The following SDHA variants were observed in gnomAD, a reference collection of about 807,000 sequenced individuals.
The protein encoded by SDHA is succinate dehydrogenase complex flavoprotein subunit A, also known as succinate dehydrogenase [ubiquinone] flavoprotein subunit, mitochondrial.
Under a neutral mutation model 78.4 loss-of-function variants are expected in SDHA, and 48 were observed. The ratio of observed to expected loss-of-function variants is 0.61; its 90% CI spans 0.49 to 0.78. The LOEUF is 0.78. Ranked by LOEUF, SDHA falls within the 30% of genes least tolerant of loss-of-function variation. SDHA has a pLI of 0.00. For missense variants in SDHA, 680 were observed against 892.7 expected, an observed-to-expected ratio of 0.76 and a Z score of 3.04; for synonymous variants, 326 against 353.9, an observed-to-expected ratio of 0.92 and a Z score of 0.88.
Position 235,139 on chromosome 5 carries a change from A to G in SDHA, c.1065-5A>G, listed in dbSNP as rs1579406152. ...GCCGTATGTGATGGTGTTCTGTCTT[A>G]CCAGAGGCTGTGGCCCTGAGAAAGA... is the stretch of plus-strand genomic sequence containing the variant. On this transcript the variant is annotated splice_polypyrimidine_tract_variant and splice_region_variant and intron_variant, in intron 8 of 14. Coordinates refer to ENST00000264932, the MANE Select transcript of SDHA (RefSeq NM_004168.4). The G allele has an allele frequency of 6.2e-7, 1 of 1,613,822 alleles. No homozygotes were observed. The highest frequency in any genetic ancestry group is 8.5e-7 in the Non-Finnish European group (1 of 1,179,742).
the SDHA span, among the ~76,000 whole-genome samples, chr5:262,412 C>A: frequency 1.3e-5 from 2 of 152,082 alleles, no homozygotes; most frequent in Non-Finnish European, 2.9e-5. Flanking sequence ...GATCCGCCCC[C>A]TGTCATATCA....
At position 223,519 on chromosome 5, in the gene SDHA, A is replaced by G. The variant is rs757478250; in HGVS notation, c.101A>G (p.His34Arg). Reference protein sequence around the residue: ...TVLQTGTRGFHFTVDGNKRAS... With the variant: ...TVLQTGTRGFRFTVDGNKRAS... ...TTGCAAACAGGAACCCGAGGTTTTC[A>G]CTTCACTGTTGATGGGAACAAGAGG... The change falls in exon 2 of 15, where the codon CAC (histidine) becomes CGC (arginine). Residue 34 changes from histidine to arginine, a missense_variant. His to Arg is a conservative substitution (Grantham distance 29). Coordinates refer to ENST00000264932, the MANE Select transcript of SDHA (RefSeq NM_004168.4). The G allele has an allele frequency of 2.5e-6, 4 of 1,613,714 alleles. No individual in the cohort carries two copies. The highest frequency in any genetic ancestry group is 2.2e-5 in the South Asian group (2 of 91,066).
chr5:263,828 G>A, the SDHA span, among the ~76,000 whole-genome samples: 1 of 150,288 alleles, frequency 6.7e-6, no homozygotes, highest in African/African-American at 2.5e-5. Context: ...TGTGGCATTT[G>A]CCCTTTGACT....
At chr5:250,957 G>T in intron 11 of SDHA, 35 bp from the exon 12 acceptor site, 1 of 1,560,076 alleles carries the variant, frequency 6.4e-7, no homozygotes, top group South Asian at 1.1e-5. Flanking sequence ...TGCTTCTATG[G>T]ATTAAAAGTT....
Position 218,362 on chromosome 5 carries a change from G to C in SDHA, c.7G>C (p.Gly3Arg), listed in dbSNP as rs756415935. The C allele has an allele frequency of 6.8e-7, 1 of 1,461,852 alleles. No individual in the cohort carries two copies. The allele number at this position is 1,461,852 out of a possible 1,614,324, so 90.6% of individuals were successfully genotyped here. Residue 3 changes from glycine to arginine, a missense_variant, in exon 1 of 15, where the codon GGG becomes CGG. Gly to Arg is a moderately radical substitution (Grantham distance 125). Transcript: ENST00000264932. MS[G>R]VRGLSRLLSA... Reference sequence around the variant, plus strand: ...CGCGGCGGCAACAGCAGACATGTCGGGGGTCCGGGGCCTGTCGCGGCTGCT... The same window carrying C: ...CGCGGCGGCAACAGCAGACATGTCGCGGGTCCGGGGCCTGTCGCGGCTGCT...
rs1561010740 is a variant in SDHA, at chr5:251,358, C to A, written c.1684C>A (p.Leu562Met). 6.2e-7 allele frequency: 1 copy of A among 1,613,600 alleles called. No individual in the cohort carries two copies. ...CCCAGGAATGGTCTGGAACACGGAC[C>A]TGGTGGAGACCCTGGAGCTGCAGAA... ...FDRGMVWNTD[L>M]VETLELQNLM... is the part of the protein sequence containing the mutation. Residue 562 changes from leucine (L) to methionine (M), a missense_variant, in exon 13 of 15, where the codon CTG (leucine) becomes ATG (methionine). Transcript: ENST00000264932.
At chr5:241,866 A>G (rs1736162928) in intron 11 of SDHA, among the ~76,000 whole-genome samples, 1 of 152,262 alleles carries the variant, frequency 6.6e-6, no homozygotes, top group South Asian at 2.1e-4. Context: ...ACTAAGGCAC[A>G]GAAGGCTGAG....
chr5:239,677 C>CG (rs1161846822), intron 10 of SDHA, among the ~76,000 whole-genome samples: 3 of 152,116 alleles, frequency 2.0e-5, no homozygotes, highest in Non-Finnish European at 2.9e-5. Flanking sequence ...GAAGGGTGGC[C>CG]GGCCCCTTGG....
intron 10 of SDHA, among the ~76,000 whole-genome samples, chr5:240,057 C>T (rs1736043922): frequency 1.3e-5 from 2 of 152,190 alleles, no homozygotes; most frequent in Non-Finnish European, 2.9e-5. Flanking sequence ...GCGTGAGCCA[C>T]CGCACCCGGC....
Position 251,415 on chromosome 5 carries a change from G to A in SDHA, c.1741G>A (p.Gly581Arg), listed in dbSNP as rs771111180. ...LMLCALQTIY[G>R]AEARKESRGA... ...GCTGTGTGCGCTGCAGACCATCTAC[G>A]GAGCAGAGGCACGGAAGGAGTCACG... The change falls in exon 13 of 15, where the codon GGA becomes AGA. Residue 581 changes from glycine (G) to arginine (R), a missense_variant. Transcript: ENST00000264932. 15 of 1,613,794 alleles carry A rather than the reference G, an allele frequency of 9.3e-6. No homozygotes were observed. The highest frequency in any genetic ancestry group is 1.3e-5 in the African/African-American group (1 of 74,892).
chr5:247,642 T>A (rs1736542321), intron 11 of SDHA, among the ~76,000 whole-genome samples: 1 of 152,244 alleles, frequency 6.6e-6, no homozygotes. Flanking sequence ...GTCACACATG[T>A]TCCCTCGTTT....
chr5:265,561 A>G, the SDHA span, among the ~76,000 whole-genome samples: 1 of 152,218 alleles, frequency 6.6e-6, no homozygotes, highest in African/African-American at 2.4e-5. Flanking sequence ...CTGATTAGGA[A>G]AAGTTCTTTA....
At chr5:233,917 C>G (rs1386722589) in intron 8 of SDHA, 2 of 439,614 alleles carry the variant, frequency 4.5e-6, no homozygotes, top group Non-Finnish European at 4.2e-6. Flanking sequence ...GAGACACACA[C>G]CCAACCTGAA....
At chr5:218,924 C>A (rs1239612265) in intron 1 of SDHA, among the ~76,000 whole-genome samples, 1 of 152,154 alleles carries the variant, frequency 6.6e-6, no homozygotes, top group Non-Finnish European at 1.5e-5. Flanking sequence ...CGGGTGGGTG[C>A]GAGGAGTGGC....
At chr5:268,409 A>G in the SDHA span, among the ~76,000 whole-genome samples, 1 of 151,538 alleles carries the variant, frequency 6.6e-6, no homozygotes, top group African/African-American at 2.4e-5. Flanking sequence ...GTCTTGATCC[A>G]CCCGCCTCAG....
downstream of SDHA, among the ~76,000 whole-genome samples, chr5:258,614 G>C (rs1273724504): frequency 1.2e-3 from 69 of 55,348 alleles, no homozygotes; most frequent in South Asian, 1.9e-3. Flanking sequence ...CCTCCTGCCA[G>C]AGCATTACCG....
At position 224,667 on chromosome 5, in the gene SDHA, G is replaced by A. The variant is rs1030025243; in HGVS notation, c.312+146G>A. 11 of 815,296 alleles carry A rather than the reference G, an allele frequency of 1.3e-5. No individual in the cohort carries two copies. The African/African-American group carries it at 1.9e-4, about 14-fold the overall frequency. 50.5% of individuals were successfully genotyped at this position (815,296 alleles called of 1,614,324 possible). On this transcript the variant is annotated intron_variant, in intron 3 of 14. Coordinates refer to ENST00000264932, the MANE Select transcript of SDHA (RefSeq NM_004168.4). Reference sequence around the variant, plus strand: ...CCTTACTCAGCTCACCCTCTCAGGGGTCTCTCCCTGGAGCCTCTTCCCTGG... The same window carrying A: ...CCTTACTCAGCTCACCCTCTCAGGGATCTCTCCCTGGAGCCTCTTCCCTGG...
At position 230,976 on chromosome 5, in the gene SDHA, G is replaced by A. The variant is rs1579397516; in HGVS notation, c.871G>A (p.Glu291Lys). Reference protein sequence around the residue: ...TRAGLPCQDLEFVQFHPTGIY... With the variant: ...TRAGLPCQDLKFVQFHPTGIY... ...GGCAGGCCTTCCTTGCCAGGACCTA[G>A]AGTTTGTTCAGTTCCACCCTACAGG... The change falls in exon 7 of 15, where the codon GAG becomes AAG. Residue 291 changes from glutamate (E) to lysine (K), a missense_variant. By Grantham distance (56) the Glu-to-Lys change is moderately conservative. Transcript: ENST00000264932. The A allele has an allele frequency of 6.2e-7, 1 of 1,613,980 alleles. No individual in the cohort carries two copies. The highest frequency in any genetic ancestry group is 8.5e-7 in the Non-Finnish European group (1 of 1,179,878).
At chr5:242,542 A>G (rs1736208996) in intron 11 of SDHA, among the ~76,000 whole-genome samples, 1 of 152,180 alleles carries the variant, frequency 6.6e-6, no homozygotes, top group Non-Finnish European at 1.5e-5. Flanking sequence ...TCAACTCTGA[A>G]GGCTGTGAGA....
Sources: gnomAD v4.1 joint callset for allele counts (sites outside exome capture counted in the v4.1 genomes callset) on GRCh38, gnomAD v4.1.1 for gene constraint, MANE v1.5 for transcripts, NCBI Gene and HGNC (gene_info 2026-07-23, HGNC 2026-07-21) for gene names.